TJP1: variants seen among roughly 807,000 people sequenced by gnomAD.
TJP1 encodes tight junction protein ZO-1.
Under a neutral mutation model 194.2 loss-of-function variants are expected in TJP1, and 43 were observed. That is an observed-to-expected ratio of 0.22 (90% CI 0.17 to 0.29). TJP1 has a LOEUF of 0.29. Ranked by LOEUF, TJP1 falls within the 10% of genes least tolerant of loss-of-function variation. The pLI is 1.00. For synonymous variants in TJP1, 801 were observed against 779.0 expected (o/e 1.03, Z -0.47); for missense variants, 1,971 against 2,185.7 (o/e 0.90, Z 1.96).
At chr15:29,834,509 C>T (rs1187953507) in intron 2 of TJP1, among the ~76,000 whole-genome samples, 1 of 152,222 alleles carries the variant, frequency 6.6e-6, no homozygotes, top group East Asian at 1.9e-4. Context: ...TGAGCCACCG[C>T]ACAGCCGGCC....
At chr15:29,730,514 T>G (rs1474265945) in intron 15 of TJP1, among the ~76,000 whole-genome samples, 1 of 151,672 alleles carries the variant, frequency 6.6e-6, no homozygotes, top group Admixed American at 6.6e-5. Context: ...TGTGGACTGC[T>G]TGAACCCATG....
intron 8 of TJP1, among the ~76,000 whole-genome samples, chr15:29,745,759 T>C (rs1332472905): frequency 2.6e-5 from 4 of 152,196 alleles, no homozygotes; most frequent in African/African-American, 4.8e-5. Context: ...AGAAACAAGA[T>C]GTCCATAATA....
intron 2 of TJP1, among the ~76,000 whole-genome samples, chr15:29,921,267 C>T (rs1174089011): frequency 6.6e-6 from 1 of 152,186 alleles, no homozygotes; most frequent in African/African-American, 2.4e-5. Context: ...AACAGTCCTG[C>T]CTTGATCTTA....
At chr15:29,841,614 T>C (rs1398842397) in intron 2 of TJP1, among the ~76,000 whole-genome samples, 3 of 152,116 alleles carry the variant, frequency 2.0e-5, no homozygotes, top group Admixed American at 6.6e-5. Flanking sequence ...AAAATCCTGA[T>C]GCTGTTTCTC....
At chr15:29,848,998 G>T (rs1212825081) in intron 2 of TJP1, among the ~76,000 whole-genome samples, 1 of 151,926 alleles carries the variant, frequency 6.6e-6, no homozygotes, top group African/African-American at 2.4e-5. Context: ...ATAACTTGCT[G>T]ACATATCATC....
chr15:29,726,746 G>GT (rs745842602), intron 17 of TJP1, 35 bp downstream of exon 17: 2 of 1,592,718 alleles, frequency 1.3e-6, no homozygotes, highest in Non-Finnish European at 1.7e-6. Context: ...CCCAGACATT[G>GT]TAAGCTGAAA....
At chr15:29,919,500 AGGC>A (rs1194178267) in intron 2 of TJP1, among the ~76,000 whole-genome samples, 1 of 152,204 alleles carries the variant, frequency 6.6e-6, no homozygotes, top group Admixed American at 6.5e-5. Flanking sequence ...TTTCATTCTA[AGGC>A]GGGAGAGGGA....
intron 2 of TJP1, among the ~76,000 whole-genome samples, chr15:29,935,352 T>G (rs565262332): frequency 1.3e-5 from 2 of 152,348 alleles, no homozygotes; most frequent in South Asian, 2.1e-4. Flanking sequence ...GGAACAACTC[T>G]CTAAGCCCTT....
intron 15 of TJP1, chr15:29,728,264 G>T: frequency 2.5e-6 from 1 of 393,820 alleles, no homozygotes; most frequent in Non-Finnish European, 4.5e-6. Flanking sequence ...AAAATATACA[G>T]GAATGCACAT....
chr15:29,822,597 G>A (rs550947094), upstream of TJP1: 12,683 of 569,390 alleles, frequency 0.022, 174 homozygotes, highest in Non-Finnish European at 0.026. Flanking sequence ...AGCGGCCGGG[G>A]TCCCGACCCC....
At position 29,708,752 on chromosome 15, in the gene TJP1, G is replaced by A. The variant is rs761008156; in HGVS notation, c.4657C>T (p.Leu1553=). Residue 1553 remains leucine (L), a synonymous_variant, in exon 25 of 28, where the codon CTG becomes TTG. Coordinates refer to ENST00000614355, the MANE Select transcript of TJP1 (RefSeq NM_001330239.4). ...GGTTTATGTGCAGTTTCACTTGGCA[G>A]AAGATTGTGATTGAATTTAGGACTT... ...FESPKFNHNL[L]PSETAHKPDL... The A allele has an allele frequency of 2.5e-6, 4 of 1,614,228 alleles. No homozygotes were observed. The highest frequency in any genetic ancestry group is 2.2e-5 in the South Asian group (2 of 91,082).
At chr15:29,706,671 T>G (rs1283537162) in intron 25 of TJP1, among the ~76,000 whole-genome samples, 1 of 152,152 alleles carries the variant, frequency 6.6e-6, no homozygotes, top group Admixed American at 6.5e-5. Flanking sequence ...CCCTTCCTGT[T>G]GTTTTTTGAA....
Position 29,720,496 on chromosome 15 carries a change from T to G in TJP1, c.2625A>C (p.Thr875=), listed in dbSNP as rs765737273. ...CCTCTCTTACAGGCTCAGAGGACCG[T>G]GTAATGGCAGACTCCGGTGGAGTCC... ...EVGTPPESAI[T]RSSEPVREDS... The change falls in exon 19 of 28, where the codon ACA becomes ACC. Residue 875 remains threonine, a synonymous_variant. Coordinates refer to ENST00000614355, the MANE Select transcript of TJP1 (RefSeq NM_001330239.4). 1 of 1,614,124 alleles carries G rather than the reference T, an allele frequency of 6.2e-7. No individual in the cohort carries two copies. The highest frequency in any genetic ancestry group is 1.1e-5 in the South Asian group (1 of 91,074).
At chr15:29,815,200 A>T (rs2049828072) in intron 1 of TJP1, among the ~76,000 whole-genome samples, 1 of 152,226 alleles carries the variant, frequency 6.6e-6, no homozygotes, top group Admixed American at 6.5e-5. Flanking sequence ...GCAATAAATA[A>T]ATAAAGATGC....
intron 2 of TJP1, among the ~76,000 whole-genome samples, chr15:29,889,771 C>T (rs2053241911): frequency 6.6e-6 from 1 of 152,168 alleles, no homozygotes; most frequent in African/African-American, 2.4e-5. Context: ...TCCATTCCTT[C>T]CTCCAGAAGA....
intron 2 of TJP1, among the ~76,000 whole-genome samples, chr15:29,796,539 A>C (rs1274346838): frequency 1.3e-5 from 2 of 152,200 alleles, no homozygotes; most frequent in African/African-American, 2.4e-5. Flanking sequence ...AGGAGATAAC[A>C]TTATATTCAT....
Position 29,762,347 on chromosome 15 carries a change from A to G in TJP1, c.681T>C (p.Asp227=). The G allele has an allele frequency of 6.2e-7, 1 of 1,612,764 alleles. No homozygotes were observed. Among genetic ancestry groups the G allele is most frequent in the Non-Finnish European group, 8.5e-7 (1 of 1,179,322 alleles). The change falls in exon 6 of 28, where the codon GAT becomes GAC. Residue 227 remains aspartate (D), a synonymous_variant. Transcript: ENST00000614355. The part of the protein sequence containing the change: ...AARDGNIQEG[D]VVLKINGTVT... ...AATATGATTATACCTTCAATACAACATCACCTTCTTGAATATTGCCATCTC... is the reference window on the plus strand; with the variant it reads ...AATATGATTATACCTTCAATACAACGTCACCTTCTTGAATATTGCCATCTC...
At chr15:29,747,996 T>C (rs923358836) in intron 8 of TJP1, among the ~76,000 whole-genome samples, 8 of 152,208 alleles carry the variant, frequency 5.3e-5, no homozygotes, top group African/African-American at 1.4e-4. Context: ...CAATTAATAT[T>C]TGAAATATTA....
At position 29,772,180 on chromosome 15, in the gene TJP1, G is replaced by C. The variant is rs765235632; in HGVS notation, c.210-14C>G. 1 of 1,507,064 alleles carries C rather than the reference G, an allele frequency of 6.6e-7. No homozygotes were observed. Among genetic ancestry groups the C allele is most frequent in the South Asian group, 1.2e-5 (1 of 83,368 alleles). The allele number at this position is 1,507,064 out of a possible 1,614,324, so 93.4% of individuals were successfully genotyped here. On this transcript the variant is annotated splice_polypyrimidine_tract_variant and intron_variant, in intron 3 of 27. Transcript: ENST00000614355. ...CGGTCATTTTCCCTAAGGGGAAAAG[G>C]GCACAAAATAATATGTTAGAGAAAA...
Sources: gnomAD v4.1 joint callset for allele counts (sites outside exome capture counted in the v4.1 genomes callset) on GRCh38, gnomAD v4.1.1 for gene constraint, MANE v1.5 for transcripts, NCBI Gene and HGNC (gene_info 2026-07-23, HGNC 2026-07-21) for gene names.